Variants in MFHAS1 observed in about 807,000 individuals in gnomAD.
MFHAS1 encodes multifunctional ROCO family signaling regulator 1, also known as malignant fibrous histiocytoma-amplified sequence 1.
In MFHAS1, 50 loss-of-function variants were observed where a neutral mutation model predicts 70.4. The observed-to-expected ratio is 0.71, with a 90% CI of 0.57 to 0.90. The LOEUF (loss-of-function observed/expected upper bound fraction) is 0.90. MFHAS1 is among the 40% of genes least tolerant of loss of function. The pLI is 0.00. For synonymous variants in MFHAS1, 952 were observed against 620.0 expected (o/e 1.54, Z -7.96); for missense variants, 1,795 against 1,347.6 (o/e 1.33, Z -5.20).
At chr8:8,829,391 G>A (rs1056315912) in intron 1 of MFHAS1, among the ~76,000 whole-genome samples, 3 of 152,158 alleles carry the variant, frequency 2.0e-5, no homozygotes, top group South Asian at 2.1e-4. Context: ...ATATCAGATC[G>A]TGAGATCTGT....
chr8:8,871,613 T>A lies in MFHAS1; in HGVS notation c.2998+18448A>T, dbSNP rs369039760. Among the ~76,000 whole-genome samples the A allele has an allele frequency of 2.0e-5, 3 of 152,258 alleles. No individual in the cohort carries two copies. The East Asian group carries it at 5.8e-4, about 29-fold the overall frequency. On this transcript the variant is annotated intron_variant, in intron 1 of 2. Transcript: ENST00000276282. ...TCATTCATTTCCCCCTCACAACATCTAAGGAGACTCTGATAGCAGGTGTAA... is the reference window on the plus strand; with the variant it reads ...TCATTCATTTCCCCCTCACAACATCAAAGGAGACTCTGATAGCAGGTGTAA...
In MFHAS1 at chr8:8,893,110, A is replaced by C. The variant is rs752402309; in HGVS notation, c.-52T>G. ...CGCGGACGCGGGAGCCCGCAGCTAC[A>C]TGCCGCGCCGCGCCCCGGGCCCTCC... On this transcript the variant is annotated 5_prime_UTR_variant, in exon 1 of 3. An upstream start codon of the reference 5' UTR is lost. Coordinates refer to ENST00000276282, the MANE Select transcript of MFHAS1 (RefSeq NM_004225.3). 7.7e-7 allele frequency: 1 copy of C among 1,294,904 alleles called. No individual in the cohort carries two copies. Among genetic ancestry groups the C allele is most frequent in the South Asian group, 1.7e-5 (1 of 58,502 alleles). The allele number at this position is 1,294,904 out of a possible 1,614,324, so 80.2% of individuals were successfully genotyped here.
In MFHAS1 at chr8:8,832,056, G is replaced by GCACACA. The variant is rs1464235374; in HGVS notation, c.2999-34566_2999-34565insTGTGTG. ...CTTCAAGGCGCACATGCACGCGCGC[G>GCACACA]CGCGCGCACACACACACACACACAC... is the stretch of plus-strand genomic sequence containing the variant. On this transcript the variant is annotated intron_variant, in intron 1 of 2. Coordinates refer to ENST00000276282, the MANE Select transcript of MFHAS1 (RefSeq NM_004225.3). 4.6e-3 allele frequency among the ~76,000 whole-genome samples: 622 copies of GCACACA among 136,070 alleles called. 3 individuals carry two copies. Among genetic ancestry groups the GCACACA allele is most frequent in the South Asian group, 9.0e-3 (39 of 4,314 alleles). 89.3% of individuals were successfully genotyped at this position (136,070 alleles called of 152,430 possible). A position where few individuals can be genotyped will look rare whatever the true frequency, so the allele number is the denominator to read the frequency against.
rs759053904 is a variant in MFHAS1 at position 8,784,634 on chromosome 8, T to C, written c.*1388A>G. On this transcript the variant is annotated 3_prime_UTR_variant, in exon 3 of 3. Coordinates refer to ENST00000276282, the MANE Select transcript of MFHAS1 (RefSeq NM_004225.3). ...TGTAGCCTTCCAAGAGTCAATACTT[T>C]ACAAAAGAAGTAAAAGAGTAGCGAG... 4.6e-5 allele frequency: 7 copies of C among 152,238 alleles called. No individual in the cohort carries two copies. Among genetic ancestry groups the C allele is most frequent in the Non-Finnish European group, 8.8e-5 (6 of 68,044 alleles). 9.4% of individuals were successfully genotyped at this position (152,238 alleles called of 1,614,324 possible). A position where few individuals can be genotyped will look rare whatever the true frequency, so the allele number is the denominator to read the frequency against.
chr8:8,852,954 G>A (rs777155750), intron 1 of MFHAS1, among the ~76,000 whole-genome samples: 2 of 152,106 alleles, frequency 1.3e-5, no homozygotes, highest in East Asian at 1.9e-4. Flanking sequence ...ATTTATACCC[G>A]GATGTATTTC....
chr8:8,830,453 T>C (rs1318249800), intron 1 of MFHAS1, among the ~76,000 whole-genome samples: 1 of 152,194 alleles, frequency 6.6e-6, no homozygotes, highest in Non-Finnish European at 1.5e-5. Context: ...AGAAAATCAC[T>C]CATAATCCAT....
At chr8:8,829,278 C>T (rs911595351) in intron 1 of MFHAS1, among the ~76,000 whole-genome samples, 1 of 152,216 alleles carries the variant, frequency 6.6e-6, no homozygotes, top group South Asian at 2.1e-4. Flanking sequence ...CCTGGAGGTC[C>T]TCTCCAGCAC....
intron 1 of MFHAS1, among the ~76,000 whole-genome samples, chr8:8,884,759 A>G (rs547901546): frequency 1.2e-4 from 18 of 152,272 alleles, no homozygotes; most frequent in Non-Finnish European, 2.4e-4. Context: ...GACCAGCCTG[A>G]GCAACACAGC....
intron 1 of MFHAS1, among the ~76,000 whole-genome samples, chr8:8,837,896 T>G (rs952238741): frequency 2.0e-5 from 3 of 152,128 alleles, no homozygotes; most frequent in Admixed American, 1.3e-4. Flanking sequence ...CGAAATGATT[T>G]AACACCATGT....
intron 1 of MFHAS1, among the ~76,000 whole-genome samples, chr8:8,829,797 G>C (rs1807302828): frequency 1.3e-5 from 2 of 152,158 alleles, no homozygotes; most frequent in African/African-American, 4.8e-5. Context: ...AGAAGGGAGG[G>C]GAAGACACAT....
intron 1 of MFHAS1, among the ~76,000 whole-genome samples, chr8:8,825,293 C>A (rs545353927): frequency 1.3e-5 from 2 of 152,318 alleles, no homozygotes; most frequent in South Asian, 4.1e-4. Flanking sequence ...CGGCGTCAGC[C>A]TCCAGAATAG....
At chr8:8,847,449 T>G (rs1808078128) in intron 1 of MFHAS1, among the ~76,000 whole-genome samples, 1 of 152,216 alleles carries the variant, frequency 6.6e-6, no homozygotes, top group African/African-American at 2.4e-5. Flanking sequence ...GTCAAAGTGT[T>G]AAGATGACAG....
Position 8,797,420 on chromosome 8 carries a change from C to A in MFHAS1, c.3070G>T (p.Val1024Leu), listed in dbSNP as rs781328288. 5 of 1,614,044 alleles carry A rather than the reference C, an allele frequency of 3.1e-6. No homozygotes were observed. In the Admixed American group the frequency reaches 8.3e-5, roughly 27 times the overall value. ...IICPKNGSER[V>L]NVALVYPPTP... ...GGTGGGTAAACCAAGGCAACATTTA[C>A]TCGCTCGCTGCCGTTCTTGGGGCAA... is the stretch of plus-strand genomic sequence containing the variant. The change falls in exon 2 of 3, where the codon GTA becomes TTA. Residue 1024 changes from valine to leucine, a missense_variant. Val to Leu is a conservative substitution (Grantham distance 32, BLOSUM62 1). Coordinates refer to ENST00000276282, the MANE Select transcript of MFHAS1 (RefSeq NM_004225.3).
chr8:8,888,388 C>A (rs1809852070), intron 1 of MFHAS1, among the ~76,000 whole-genome samples: 2 of 152,178 alleles, frequency 1.3e-5, no homozygotes, highest in Admixed American at 6.5e-5. Flanking sequence ...CATTTCATCA[C>A]CCCTCCGGGT....
At chr8:8,813,939 C>CTT (rs902619137) in intron 1 of MFHAS1, among the ~76,000 whole-genome samples, 6 of 138,574 alleles carry the variant, frequency 4.3e-5, no homozygotes, top group African/African-American at 5.3e-5. Context: ...ACATTTTTAT[C>CTT]TTTTTTTTTT....
chr8:8,820,785 A>C (rs1806924224), intron 1 of MFHAS1, among the ~76,000 whole-genome samples: 2 of 152,206 alleles, frequency 1.3e-5, no homozygotes. Flanking sequence ...CCAGGCAGTT[A>C]AAGGTGGCCT....
intron 1 of MFHAS1, among the ~76,000 whole-genome samples, chr8:8,870,563 C>T (rs1163702548): frequency 6.6e-6 from 1 of 152,184 alleles, no homozygotes; most frequent in Non-Finnish European, 1.5e-5. Context: ...TACAGCCCAT[C>T]ACACGTCAGG....
chr8:8,805,687 G>A (rs2117272951), intron 1 of MFHAS1, among the ~76,000 whole-genome samples: 1 of 152,092 alleles, frequency 6.6e-6, no homozygotes, highest in East Asian at 1.9e-4. Flanking sequence ...TGTTTGGAGG[G>A]TTTTTTGTTT....
chr8:8,830,790 G>A (rs538751919), intron 1 of MFHAS1, among the ~76,000 whole-genome samples: 1 of 152,270 alleles, frequency 6.6e-6, no homozygotes, highest in East Asian at 1.9e-4. Flanking sequence ...TAGAGGCGGA[G>A]TTTTGCCATG....
Sources: allele counts gnomAD v4.1 joint callset (sites outside exome capture counted in the v4.1 genomes callset), GRCh38; gene constraint gnomAD v4.1.1; transcripts MANE v1.5; gene names NCBI Gene and HGNC (gene_info 2026-07-23, HGNC 2026-07-21).